TP63: variants seen among roughly 807,000 people sequenced by gnomAD.
TP63 encodes the protein tumor protein p63.
TP63 carries 17 observed loss-of-function variants against 82.8 expected under a neutral mutation model. The ratio of observed to expected loss-of-function variants is 0.21; its 90% confidence interval spans 0.14 to 0.31. The LOEUF is 0.31. Among genes scored for constraint, TP63 ranks in the 10% least tolerant of loss-of-function variants. The pLI is 1.00. For synonymous variants in TP63, 330 were observed against 321.7 expected (o/e 1.03, Z -0.28); for missense variants, 648 against 895.3 (o/e 0.72, Z 3.52).
intron 3 of TP63, among the ~76,000 whole-genome samples, chr3:189,763,700 C>T (rs1339858590): frequency 6.6e-6 from 1 of 152,156 alleles, no homozygotes; most frequent in East Asian, 1.9e-4. Context: ...AAATAGGCTG[C>T]CAGCTTAAAT....
intron 3 of TP63, among the ~76,000 whole-genome samples, chr3:189,779,310 G>A (rs1724050473): frequency 2.0e-5 from 3 of 152,178 alleles, no homozygotes; most frequent in Non-Finnish European, 2.9e-5. Flanking sequence ...CAAACCAGCA[G>A]CCTCCATAGG....
chr3:189,755,494 A>G (rs1285898576), intron 3 of TP63, among the ~76,000 whole-genome samples: 2 of 152,118 alleles, frequency 1.3e-5, no homozygotes, highest in African/African-American at 2.4e-5. Context: ...CTTTCATTCT[A>G]TAGCAAACAT....
chr3:189,892,815 CT>C (rs1375392914), intron 13 of TP63, among the ~76,000 whole-genome samples: 1 of 152,092 alleles, frequency 6.6e-6, no homozygotes, highest in Admixed American at 6.6e-5. Flanking sequence ...AAAAGCTATG[CT>C]TATTTTTTTG....
chr3:189,832,104 A>G (rs1712455507), intron 4 of TP63, among the ~76,000 whole-genome samples: 1 of 152,134 alleles, frequency 6.6e-6, no homozygotes, highest in Non-Finnish European at 1.5e-5. Flanking sequence ...TGCTAGGATT[A>G]CAGGCATGAT....
chr3:189,635,631 G>A (rs748679111), intron 1 of TP63, among the ~76,000 whole-genome samples: 5 of 152,012 alleles, frequency 3.3e-5, no homozygotes, highest in South Asian at 2.1e-4. Flanking sequence ...CTGCAGGTCC[G>A]AGTCCCCTGA....
intron 4 of TP63, among the ~76,000 whole-genome samples, chr3:189,821,834 C>T (rs905033168): frequency 3.3e-5 from 5 of 152,242 alleles, no homozygotes; most frequent in South Asian, 2.1e-4. Context: ...TACGAGATAT[C>T]GTATAAAGCA....
intron 1 of TP63, among the ~76,000 whole-genome samples, chr3:189,691,481 T>C (rs1350964991): frequency 6.6e-6 from 1 of 152,124 alleles, no homozygotes. Flanking sequence ...GTCATATGCA[T>C]TTGTAAGGTG....
At chr3:189,753,800 TA>T (rs1159069001) in intron 3 of TP63, among the ~76,000 whole-genome samples, 2 of 152,136 alleles carry the variant, frequency 1.3e-5, no homozygotes, top group Non-Finnish European at 2.9e-5. Context: ...AATTTTAATT[TA>T]TCTATTTTAG....
At chr3:189,866,410 A>C (rs971860237) in intron 5 of TP63, among the ~76,000 whole-genome samples, 9 of 152,262 alleles carry the variant, frequency 5.9e-5, no homozygotes, top group African/African-American at 2.2e-4. Context: ...GAGTTCCATA[A>C]AGCTTGAATC....
the TP63 span, among the ~76,000 whole-genome samples, chr3:189,621,156 A>G: frequency 3.3e-5 from 5 of 152,220 alleles, no homozygotes; most frequent in African/African-American, 2.4e-5. Context: ...TTTGAAAACT[A>G]CAGAAAAGTA....
At chr3:189,639,091 C>G (rs1711577254) in intron 1 of TP63, among the ~76,000 whole-genome samples, 1 of 152,174 alleles carries the variant, frequency 6.6e-6, no homozygotes, top group Non-Finnish European at 1.5e-5. Flanking sequence ...TTCTGATTAG[C>G]TATTTTGAAG....
At chr3:189,782,188 A>G in intron 3 of TP63, among the ~76,000 whole-genome samples, 1 of 152,166 alleles carries the variant, frequency 6.6e-6, no homozygotes. Context: ...CTGGGCTTGT[A>G]TTATAATATA....
intron 3 of TP63, among the ~76,000 whole-genome samples, chr3:189,785,366 A>G (rs1378979641): frequency 6.6e-6 from 1 of 152,126 alleles, no homozygotes; most frequent in Non-Finnish European, 1.5e-5. Flanking sequence ...TAAATGTGAC[A>G]TGATGAACAT....
At chr3:189,770,944 C>T (rs937191660) in intron 3 of TP63, among the ~76,000 whole-genome samples, 8 of 148,772 alleles carry the variant, frequency 5.4e-5, no homozygotes, top group Non-Finnish European at 1.1e-4. Context: ...GAGTAATGCT[C>T]TACAGTTTAA....
chr3:189,862,585 C>T (rs900839462), intron 4 of TP63, among the ~76,000 whole-genome samples: 26 of 152,156 alleles, frequency 1.7e-4, no homozygotes, highest in African/African-American at 6.3e-4. Flanking sequence ...ATTTTTCAGT[C>T]ATCTTTCCTA....
At chr3:189,788,889 G>A in intron 3 of TP63, among the ~76,000 whole-genome samples, 1 of 150,554 alleles carries the variant, frequency 6.6e-6, no homozygotes, top group Non-Finnish European at 1.5e-5. Flanking sequence ...TATAAACTGG[G>A]TACAATAAAA....
At chr3:189,795,697 C>T (rs1214021060) in intron 3 of TP63, among the ~76,000 whole-genome samples, 2 of 151,918 alleles carry the variant, frequency 1.3e-5, no homozygotes, top group African/African-American at 4.8e-5. Flanking sequence ...GAAATAGCAA[C>T]AAAAGTTAAT....
At chr3:189,645,073 TAC>T (rs1712290498) in intron 1 of TP63, among the ~76,000 whole-genome samples, 1 of 152,188 alleles carries the variant, frequency 6.6e-6, no homozygotes, top group Non-Finnish European at 1.5e-5. Context: ...ATGTACCTGT[TAC>T]CCATGAATCG....
chr3:189,838,842 T>G (rs1234425914), intron 4 of TP63, among the ~76,000 whole-genome samples: 2 of 152,036 alleles, frequency 1.3e-5, no homozygotes, highest in African/African-American at 4.8e-5. Context: ...GCATATTGGT[T>G]TCCTGTACTT....
Sources: gnomAD v4.1 joint callset for allele counts (sites outside exome capture counted in the v4.1 genomes callset) on GRCh38, gnomAD v4.1.1 for gene constraint, MANE v1.5 for transcripts, NCBI Gene and HGNC (gene_info 2026-07-23, HGNC 2026-07-21) for gene names.